Variants in FGF13 observed in about 807,000 individuals in gnomAD.
The protein encoded by FGF13 is fibroblast growth factor 13.
Under a neutral mutation model 19.5 loss-of-function variants are expected in FGF13, and 2 were observed. The ratio of observed to expected loss-of-function variants is 0.10; its 90% confidence interval spans 0.04 to 0.32. The LOEUF (loss-of-function observed/expected upper bound fraction) is 0.32, where lower values mean the gene tolerates loss of function less well. FGF13 is among the 10% of genes least tolerant of loss of function. The pLI is 1.00. For missense variants in FGF13, 113 were observed against 192.7 expected (o/e 0.59, Z 2.45); for synonymous variants, 72 against 76.9 (o/e 0.94, Z 0.33).
At chrX:139,164,422 G>A (rs1426530053) in intron 1 of FGF13, among the ~76,000 whole-genome samples, 2 of 111,431 alleles carry the variant, frequency 1.8e-5, no homozygotes, top group African/African-American at 3.3e-5. Flanking sequence ...GCCAGGTGCA[G>A]TGGCTCACGC....
chrX:139,063,064 T>A (rs1330707762), intron 1 of FGF13, among the ~76,000 whole-genome samples: 2 of 111,791 alleles, frequency 1.8e-5, no homozygotes, highest in East Asian at 5.6e-4. Context: ...GAAAACCTCA[T>A]AGCTCAAGCA....
At chrX:139,125,319 A>AT (rs1361483201) in intron 1 of FGF13, among the ~76,000 whole-genome samples, 2 of 111,951 alleles carry the variant, frequency 1.8e-5, no homozygotes, top group African/African-American at 6.5e-5. Flanking sequence ...AACACCAGCA[A>AT]TTTTTTTGGC....
chrX:139,063,121 TA>T (rs1251493094), intron 1 of FGF13, among the ~76,000 whole-genome samples: 1 of 111,830 alleles, frequency 8.9e-6, no homozygotes, highest in Non-Finnish European at 1.9e-5. Flanking sequence ...AGAAACAACT[TA>T]AAACCTGAAA....
chrX:139,029,170 TAAGTA>T (rs1200270160), intron 1 of FGF13, among the ~76,000 whole-genome samples: 2 of 111,684 alleles, frequency 1.8e-5, no homozygotes, highest in African/African-American at 3.3e-5. Flanking sequence ...ATATGCCAGA[TAAGTA>T]AAGTGATTAT....
At position 138,631,524 on chromosome X, in the gene FGF13, C is replaced by CAGTT. The variant is rs1414445848; in HGVS notation, c.*1322_*1325dup. ...CAATGTTTACTTCCAGTTGCTACTT[C>CAGTT]AGTTACTGGCACATAATGGACGCTC... On this transcript the variant is annotated 3_prime_UTR_variant, in exon 5 of 5. Coordinates refer to ENST00000315930, the MANE Select transcript of FGF13 (RefSeq NM_004114.5). 8.9e-6 allele frequency: 1 copy of CAGTT among 112,657 alleles called. No homozygotes were observed. Among genetic ancestry groups the CAGTT allele is most frequent in the Non-Finnish European group, 1.9e-5 (1 of 53,285 alleles). 9.3% of individuals were successfully genotyped at this position (112,657 alleles called of 1,213,427 possible).
At chrX:139,173,015 G>C (rs769540521) in intron 1 of FGF13, among the ~76,000 whole-genome samples, 1 of 111,917 alleles carries the variant, frequency 8.9e-6, no homozygotes, top group Non-Finnish European at 1.9e-5. Flanking sequence ...AATCCTCAGA[G>C]AGATTATAAT....
intron 1 of FGF13, among the ~76,000 whole-genome samples, chrX:138,932,703 AGTGTGTGTGTGTGT>A (rs57793547): frequency 9.9e-4 from 89 of 90,299 alleles, no homozygotes; most frequent in African/African-American, 2.8e-3. Context: ...TCAGGAGTGT[AGTGTGTGTGTGTGT>A]GTGTGTGTGT....
chrX:138,686,122 C>T (rs577417517), intron 3 of FGF13, among the ~76,000 whole-genome samples: 1 of 111,314 alleles, frequency 9.0e-6, no homozygotes, highest in East Asian at 2.8e-4. Context: ...GTTAATCTTA[C>T]GTTCTAAGGG....
At chrX:138,953,319 A>G (rs1362374488) in intron 1 of FGF13, among the ~76,000 whole-genome samples, 1 of 110,895 alleles carries the variant, frequency 9.0e-6, no homozygotes, top group African/African-American at 3.3e-5. Flanking sequence ...TGAGCAAACT[A>G]TCGCAAGGAC....
rs137881424 is a variant in FGF13, at chrX:138,731,320, A to G, written c.28+7922T>C. ...GCTGAGCCATAACCCAAATTTAAAT[A>G]CATTCATAAGAAATCAGAGTATGTT... On this transcript the variant is annotated intron_variant, in intron 1 of 4. Coordinates refer to the FGF13 transcript ENST00000305414. 3.6e-3 allele frequency among the ~76,000 whole-genome samples: 395 copies of G among 110,581 alleles called. 2 individuals carry two copies. Among genetic ancestry groups the G allele is most frequent in the Middle Eastern group, 0.018 (4 of 218 alleles).
chrX:138,976,747 T>C (rs1462855237), intron 1 of FGF13, among the ~76,000 whole-genome samples: 1 of 111,247 alleles, frequency 9.0e-6, no homozygotes, highest in Non-Finnish European at 1.9e-5. Context: ...AAAAAGCCCA[T>C]TGAAAATGGA....
chrX:138,847,384 G>C (rs1271851361), intron 3 of FGF13, among the ~76,000 whole-genome samples: 3 of 111,634 alleles, frequency 2.7e-5, no homozygotes, highest in Non-Finnish European at 3.8e-5. Context: ...TTTCCCTTTT[G>C]TAGATATAGT....
intron 1 of FGF13, among the ~76,000 whole-genome samples, chrX:139,007,168 A>T (rs1422113897): frequency 8.9e-6 from 1 of 112,156 alleles, no homozygotes; most frequent in African/African-American, 3.2e-5. Context: ...TTCCACGCCA[A>T]TGGAAACCAA....
chrX:138,926,086 A>G (rs1452001267), intron 1 of FGF13, among the ~76,000 whole-genome samples: 1 of 111,665 alleles, frequency 9.0e-6, no homozygotes, highest in Non-Finnish European at 1.9e-5. Context: ...TCTCTTGTTG[A>G]TCTCACTCTC....
At chrX:138,992,909 G>A (rs977801575) in intron 1 of FGF13, among the ~76,000 whole-genome samples, 2 of 111,533 alleles carry the variant, frequency 1.8e-5, no homozygotes, top group African/African-American at 6.5e-5. Context: ...ATGACCTGGT[G>A]ACACCACATT....
rs553186336 is a variant in FGF13 at position 138,815,329 on chromosome X, C to G, written c.217+42183G>C. ...AAAAGTGCTAAGAAAGTAAAACTTA[C>G]ATGTTCTTACCACAAAAAATAAGTA... On this transcript the variant is annotated intron_variant, in intron 3 of 6. Coordinates refer to the FGF13 transcript ENST00000436198. 2.7e-5 allele frequency among the ~76,000 whole-genome samples: 3 copies of G among 110,988 alleles called. No homozygotes were observed. In the East Asian group the frequency reaches 8.5e-4, roughly 31 times the overall value.
rs1025253434 is a variant in FGF13, at chrX:139,095,077, C to T, written c.-113+108339G>A. 4.5e-5 allele frequency among the ~76,000 whole-genome samples: 5 copies of T among 112,303 alleles called. No homozygotes were observed. In the Admixed American group the frequency reaches 4.7e-4, roughly 11 times the overall value. ...AATCTCCTGAGGATAACCTTTGTTC[C>T]CAGCTTCCTTTCAGATAGTTGTCTG... is the stretch of plus-strand genomic sequence containing the variant. On this transcript the variant is annotated intron_variant, in intron 1 of 2. Transcript: ENST00000421460.
At chrX:139,072,976 A>C (rs1291282584) in intron 1 of FGF13, among the ~76,000 whole-genome samples, 1 of 111,136 alleles carries the variant, frequency 9.0e-6, no homozygotes, top group Non-Finnish European at 1.9e-5. Flanking sequence ...TTAAAATTTC[A>C]ATCATCATTT....
intron 3 of FGF13, among the ~76,000 whole-genome samples, chrX:138,672,001 A>G (rs745560967): frequency 8.0e-4 from 86 of 107,686 alleles, no homozygotes; most frequent in Non-Finnish European, 1.3e-3. Flanking sequence ...AGCAGAAGAA[A>G]CAGCCAGTGC....
Sources: allele counts gnomAD v4.1 joint callset (sites outside exome capture counted in the v4.1 genomes callset), GRCh38; gene constraint gnomAD v4.1.1; transcripts MANE v1.5; gene names NCBI Gene and HGNC (gene_info 2026-07-23, HGNC 2026-07-21).